FRMD8: variants seen among roughly 807,000 people sequenced by gnomAD.
FRMD8 encodes the protein FERM domain containing 8.
Under a neutral mutation model 54.2 loss-of-function variants are expected in FRMD8, and 37 were observed. The ratio of observed to expected loss-of-function variants is 0.68; its 90% CI spans 0.53 to 0.90. The LOEUF (loss-of-function observed/expected upper bound fraction) is 0.90. Ranked by LOEUF, FRMD8 falls within the 40% of genes least tolerant of loss-of-function variation. FRMD8 has a pLI of 0.00. For missense variants in FRMD8, 585 were observed against 653.7 expected (o/e 0.89, Z 1.15); for synonymous variants, 246 against 286.9 (o/e 0.86, Z 1.44).
At chr11:65,393,440 G>T in intron 3 of FRMD8, 133 bp from the exon 4 acceptor site, 6 of 630,494 alleles carry the variant, frequency 9.5e-6, no homozygotes, top group South Asian at 1.8e-5. Flanking sequence ...CAGAGTAAAT[G>T]GCTCTGGACC....
chr11:65,402,218 G>A (rs1856098631), intron 9 of FRMD8, among the ~76,000 whole-genome samples: 1 of 152,000 alleles, frequency 6.6e-6, no homozygotes, highest in Non-Finnish European at 1.5e-5. Flanking sequence ...GGGTGTGGTG[G>A]CACACGCCCG....
chr11:65,406,921 C>A (rs189830977), intron 10 of FRMD8, among the ~76,000 whole-genome samples: 2 of 151,720 alleles, frequency 1.3e-5, no homozygotes, highest in African/African-American at 2.4e-5. Context: ...GCCTGGGCAA[C>A]AAGAACGAAA....
intron 7 of FRMD8, among the ~76,000 whole-genome samples, chr11:65,399,395 G>T (rs1856021772): frequency 6.6e-6 from 1 of 152,154 alleles, no homozygotes. Flanking sequence ...ACAGTGGTCA[G>T]CAGGCTCTCC....
the FRMD8 span, chr11:65,380,143 C>T: frequency 6.2e-7 from 1 of 1,614,196 alleles, no homozygotes; most frequent in Non-Finnish European, 8.5e-7. Context: ...TTTACAGTGT[C>T]AAACGGGTGT....
chr11:65,406,194 ATTT>A (rs765076170), intron 10 of FRMD8, among the ~76,000 whole-genome samples: 1 of 129,592 alleles, frequency 7.7e-6, no homozygotes. Flanking sequence ...CACCCGGCTA[ATTT>A]TTTTTTTTTT....
At chr11:65,410,213 A>C (rs1438698590) in intron 10 of FRMD8, among the ~76,000 whole-genome samples, 1 of 152,172 alleles carries the variant, frequency 6.6e-6, no homozygotes, top group Non-Finnish European at 1.5e-5. Context: ...AAATACAAAA[A>C]TTAGCCAGGC....
intron 3 of FRMD8, among the ~76,000 whole-genome samples, chr11:65,390,636 G>A (rs1033742575): frequency 3.4e-5 from 5 of 145,318 alleles, no homozygotes; most frequent in East Asian, 4.5e-4. Flanking sequence ...CTGCTGCCCC[G>A]GCTCCTCGGC....
rs146171890 is a variant in FRMD8 at position 65,405,550 on chromosome 11, C to G, written c.1276+482C>G. 1.4e-3 allele frequency among the ~76,000 whole-genome samples: 206 copies of G among 152,264 alleles called. 5 individuals are homozygous for G. The East Asian group carries it at 0.033, about 25-fold the overall frequency. ...AGGCAGGAAAAACGCTTGAACCCAG[C>G]AGGCAGAGGTTGCAGTGAGCCGAGA... On this transcript the variant is annotated intron_variant, in intron 10 of 10. Transcript: ENST00000317568.
In FRMD8 at chr11:65,400,174, C is replaced by T. The variant is rs562206541; in HGVS notation, c.927+315C>T. Among the ~76,000 whole-genome samples the T allele has an allele frequency of 5.3e-5, 8 of 152,292 alleles. No individual in the cohort carries two copies. Among genetic ancestry groups the T allele is most frequent in the African/African-American group, 7.2e-5 (3 of 41,554 alleles). ...AACAGCCTGATGCTCCAGAAGACCCCGCGACGGGAGCCCTCTTGGGCTGAC... is the reference window on the plus strand; with the variant it reads ...AACAGCCTGATGCTCCAGAAGACCCTGCGACGGGAGCCCTCTTGGGCTGAC... On this transcript the variant is annotated intron_variant, in intron 8 of 10. Transcript: ENST00000317568. The surrounding 1 kb of genome is among the most constrained non-coding windows in gnomAD (Gnocchi z 4.3).
At position 65,404,768 on chromosome 11, in the gene FRMD8, C is replaced by T. The variant is rs1856154075; in HGVS notation, c.1072-96C>T. On this transcript the variant is annotated intron_variant, in intron 9 of 10. Coordinates refer to ENST00000317568, the MANE Select transcript of FRMD8 (RefSeq NM_031904.5). This position sits in a 1 kb window ranked among gnomAD's most constrained non-coding sequence, Gnocchi z 4.7. The stretch of plus-strand genomic sequence containing the variant: ...TCCTGAGTGATGTGTGTCCCCTCCC[C>T]TGCTTCCCCAACCAGAGAGCAGAGC... 2 of 1,072,544 alleles carry T rather than the reference C, an allele frequency of 1.9e-6. No individual in the cohort carries two copies. The highest frequency in any genetic ancestry group is 3.0e-5 in the South Asian group (2 of 67,160). The allele number at this position is 1,072,544 out of a possible 1,614,324, so 66.4% of individuals were successfully genotyped here.
Position 65,404,967 on chromosome 11 carries a change from G to C in FRMD8, c.1175G>C (p.Ser392Thr), listed in dbSNP as rs1348084457. Residue 392 changes from serine (S) to threonine (T), a missense_variant, in exon 10 of 11, where the codon AGC becomes ACC. Transcript: ENST00000317568. This position sits in a 1 kb window ranked among gnomAD's most constrained non-coding sequence, Gnocchi z 4.7. Reference protein sequence around the residue: ...DSATGSPSDPSSSLAPVQRPK... With the variant: ...DSATGSPSDPTSSLAPVQRPK... Reference sequence around the variant, plus strand: ...GCGACTGGCTCGCCCTCGGACCCCAGCTCCTCACTGGCTCCTGTTCAGCGC... The same window carrying C: ...GCGACTGGCTCGCCCTCGGACCCCACCTCCTCACTGGCTCCTGTTCAGCGC... 5.6e-6 allele frequency: 9 copies of C among 1,613,094 alleles called. No homozygotes were observed. Among genetic ancestry groups the C allele is most frequent in the Non-Finnish European group, 7.6e-6 (9 of 1,180,050 alleles).
intron 10 of FRMD8, among the ~76,000 whole-genome samples, chr11:65,410,307 C>A (rs1405189788): frequency 6.6e-6 from 1 of 151,770 alleles, no homozygotes; most frequent in African/African-American, 2.4e-5. Flanking sequence ...ACCATCCTGG[C>A]CAGCATGGTG....
chr11:65,396,045 GCA>G (rs1251253053), intron 6 of FRMD8, among the ~76,000 whole-genome samples: 5 of 152,214 alleles, frequency 3.3e-5, no homozygotes, highest in African/African-American at 1.2e-4. Flanking sequence ...GCAGTGCCGG[GCA>G]CACTGCGGGT....
At chr11:65,408,114 G>A (rs1856246800) in intron 10 of FRMD8, among the ~76,000 whole-genome samples, 1 of 137,844 alleles carries the variant, frequency 7.3e-6, no homozygotes, top group Non-Finnish European at 1.5e-5. Context: ...CACTCTTGTT[G>A]CCCAGGCTGG....
chr11:65,384,580 C>G (rs1454761971), upstream of FRMD8, among the ~76,000 whole-genome samples: 1 of 152,100 alleles, frequency 6.6e-6, no homozygotes, highest in Admixed American at 6.5e-5. Flanking sequence ...ACTCTCAGGA[C>G]GCATGAGAAT....
chr11:65,369,869 C>T, the FRMD8 span, among the ~76,000 whole-genome samples: 2 of 150,962 alleles, frequency 1.3e-5, no homozygotes, highest in African/African-American at 4.9e-5. Context: ...CCCGTCTCTA[C>T]TAAAAATACA....
intron 2 of FRMD8, 100 bp from the exon 3 acceptor site, chr11:65,389,261 G>A: frequency 8.7e-7 from 1 of 1,154,098 alleles, no homozygotes; most frequent in Admixed American, 1.8e-5. Flanking sequence ...GGTGTAGGGT[G>A]GGGGCTCCAG....
At chr11:65,376,594 G>C in the FRMD8 span, 3 of 1,614,000 alleles carry the variant, frequency 1.9e-6, no homozygotes, top group African/African-American at 4.0e-5. Context: ...CTGCATCCGG[G>C]ACTTGATCAT....
rs778990583 is a variant in FRMD8, at chr11:65,394,336, C to T, written c.492C>T (p.Asp164=). The T allele has an allele frequency of 9.5e-6, 15 of 1,585,038 alleles. No individual in the cohort carries two copies. The African/African-American group carries it at 1.1e-4, about 11-fold the overall frequency. ...GNVLAARYPC[D]VEDCEALGAL... is the part of the protein sequence containing the mutation. Reference sequence around the variant, plus strand: ...TGCTGGCTGCACGGTACCCGTGCGACGTGGAGGACTGCGAGGCTCTGGGCG... The same window carrying T: ...TGCTGGCTGCACGGTACCCGTGCGATGTGGAGGACTGCGAGGCTCTGGGCG... The change falls in exon 6 of 11, where the codon GAC becomes GAT. Residue 164 remains aspartate (D), a synonymous_variant. Transcript: ENST00000317568.
Sources: gnomAD v4.1 joint callset for allele counts (sites outside exome capture counted in the v4.1 genomes callset) on GRCh38, gnomAD v4.1.1 for gene constraint, Gnocchi (gnomAD v3.1) non-coding constraint, MANE v1.5 for transcripts, NCBI Gene and HGNC (gene_info 2026-07-23, HGNC 2026-07-21) for gene names.